Variants in THRB observed in about 807,000 individuals in gnomAD.
THRB encodes nuclear receptor subfamily 1 group A member 2.
In THRB, 12 loss-of-function variants were observed where a neutral mutation model predicts 47.8. The observed-to-expected ratio is 0.25, with a 90% CI of 0.16 to 0.41. The LOEUF is 0.41. Among genes scored for constraint, THRB ranks in the 10% least tolerant of loss-of-function variants. The pLI is 1.00. For synonymous variants in THRB, 218 were observed against 212.2 expected (o/e 1.03, Z -0.24); for missense variants, 348 against 589.2 (o/e 0.59, Z 4.24).
chr3:24,409,039 T>C (rs1238382256), intron 1 of THRB, among the ~76,000 whole-genome samples: 5 of 151,830 alleles, frequency 3.3e-5, no homozygotes, highest in African/African-American at 1.2e-4. Context: ...CTCAATGTAA[T>C]TACAGTTTGA....
At chr3:24,349,583 A>G (rs1440652600) in intron 1 of THRB, among the ~76,000 whole-genome samples, 1 of 152,136 alleles carries the variant, frequency 6.6e-6, no homozygotes, top group Admixed American at 6.6e-5. Flanking sequence ...GTGACACTGC[A>G]TTGTGGTGAG....
At chr3:24,212,704 C>T (rs375451236) in intron 4 of THRB, among the ~76,000 whole-genome samples, 6 of 151,936 alleles carry the variant, frequency 3.9e-5, no homozygotes, top group Non-Finnish European at 7.4e-5. Context: ...TATGCTGACA[C>T]AGAACACAAC....
intron 5 of THRB, among the ~76,000 whole-genome samples, chr3:24,180,656 A>G (rs995265661): frequency 2.6e-5 from 4 of 152,162 alleles, no homozygotes; most frequent in Non-Finnish European, 4.4e-5. Context: ...AGAGGCTCAT[A>G]TTTATTCCAG....
chr3:24,406,028 C>G (rs1030714148), intron 1 of THRB, among the ~76,000 whole-genome samples: 1 of 151,506 alleles, frequency 6.6e-6, no homozygotes, highest in Non-Finnish European at 1.5e-5. Context: ...TTATGACTAA[C>G]AAGTACACTT....
At chr3:24,189,837 A>C (rs1448996854) in intron 5 of THRB, among the ~76,000 whole-genome samples, 1 of 152,208 alleles carries the variant, frequency 6.6e-6, no homozygotes, top group Admixed American at 6.5e-5. Flanking sequence ...AAATGTCTTC[A>C]CCCCAAGTGT....
chr3:24,366,699 C>A (rs2064495368), intron 1 of THRB, among the ~76,000 whole-genome samples: 1 of 147,946 alleles, frequency 6.8e-6, no homozygotes, highest in Non-Finnish European at 1.5e-5. Context: ...CGGCTCACTG[C>A]AGCCTCAGCC....
chr3:24,308,275 A>G (rs982088996), intron 2 of THRB, among the ~76,000 whole-genome samples: 1 of 152,362 alleles, frequency 6.6e-6, no homozygotes, highest in East Asian at 1.9e-4. Context: ...ATCAATAACA[A>G]TAATGGTTAG....
intron 1 of THRB, among the ~76,000 whole-genome samples, chr3:24,360,727 C>T (rs1451424637): frequency 6.6e-6 from 1 of 152,110 alleles, no homozygotes; most frequent in Non-Finnish European, 1.5e-5. Context: ...TCACTTGGTA[C>T]TAAGCATATT....
chr3:24,255,839 G>C (rs2051216704), intron 3 of THRB, among the ~76,000 whole-genome samples: 1 of 152,194 alleles, frequency 6.6e-6, no homozygotes. Flanking sequence ...AAGGTTGAAG[G>C]GTCTTAAGTG....
chr3:24,425,004 A>T (rs1346475752), intron 1 of THRB, among the ~76,000 whole-genome samples: 1 of 151,930 alleles, frequency 6.6e-6, no homozygotes, highest in Non-Finnish European at 1.5e-5. Context: ...GTGTAGACTT[A>T]TATTCCATTA....
At chr3:24,320,727 A>T (rs941161591) in intron 2 of THRB, among the ~76,000 whole-genome samples, 1 of 152,146 alleles carries the variant, frequency 6.6e-6, no homozygotes, top group Non-Finnish European at 1.5e-5. Flanking sequence ...AAGGGGGAGG[A>T]CTTTGCTCAA....
intron 1 of THRB, among the ~76,000 whole-genome samples, chr3:24,472,221 T>C (rs1209114393): frequency 6.6e-6 from 1 of 152,232 alleles, no homozygotes; most frequent in Non-Finnish European, 1.5e-5. Flanking sequence ...TGCTATGTTA[T>C]ATCAATACTA....
At chr3:24,467,427 A>C (rs2074243573) in intron 1 of THRB, among the ~76,000 whole-genome samples, 1 of 152,230 alleles carries the variant, frequency 6.6e-6, no homozygotes, top group African/African-American at 2.4e-5. Context: ...CCATTTCCAG[A>C]ATGTTTTCAA....
intron 5 of THRB, chr3:24,165,306 T>A: frequency 1.3e-6 from 1 of 765,082 alleles, no homozygotes. Context: ...TAGCAATTGC[T>A]GCCGGCAGCT....
At chr3:24,348,148 G>A (rs1330715603) in intron 1 of THRB, among the ~76,000 whole-genome samples, 1 of 152,084 alleles carries the variant, frequency 6.6e-6, no homozygotes, top group Non-Finnish European at 1.5e-5. Context: ...ACGCAAGAGG[G>A]TTTTCTTTTA....
intron 1 of THRB, among the ~76,000 whole-genome samples, chr3:24,420,285 C>T (rs2069118272): frequency 1.3e-5 from 2 of 151,760 alleles, no homozygotes; most frequent in South Asian, 2.1e-4. Flanking sequence ...ACCAGCAGAG[C>T]AGTCAACTCA....
intron 4 of THRB, among the ~76,000 whole-genome samples, chr3:24,201,642 T>A (rs2044610285): frequency 6.6e-6 from 1 of 152,236 alleles, no homozygotes; most frequent in Non-Finnish European, 1.5e-5. Context: ...ATAAGAGCCA[T>A]GATTTTCCTA....
intron 3 of THRB, among the ~76,000 whole-genome samples, chr3:24,288,270 T>C (rs2055542780): frequency 6.6e-6 from 1 of 152,198 alleles, no homozygotes; most frequent in South Asian, 2.1e-4. Flanking sequence ...TAACAAGAAA[T>C]GAAGTATGAT....
Position 24,329,637 on chromosome 3 carries a change from A to T in THRB, c.-189+7663T>A, listed in dbSNP as rs149924724. On this transcript the variant is annotated intron_variant, in intron 2 of 10. Coordinates refer to ENST00000646209, the MANE Select transcript of THRB (RefSeq NM_001354712.2). ...GCACAACTGTATTGAACAGTCATGT[A>T]TCCTTTCCACCACAGACAGATCATC... Among the ~76,000 whole-genome samples the T allele has an allele frequency of 2.2e-3, 341 of 152,386 alleles. 2 individuals are homozygous for T. Among genetic ancestry groups the T allele is most frequent in the Non-Finnish European group, 3.7e-3 (250 of 68,040 alleles).
Sources: gnomAD v4.1 joint callset for allele counts (sites outside exome capture counted in the v4.1 genomes callset) on GRCh38, gnomAD v4.1.1 for gene constraint, MANE v1.5 for transcripts, NCBI Gene and HGNC (gene_info 2026-07-23, HGNC 2026-07-21) for gene names.